The following ANKRD62 variants were observed in gnomAD, a reference collection of about 807,000 sequenced individuals.
ANKRD62 encodes ankyrin repeat domain-containing protein 62.
A neutral mutation model predicts 98.8 loss-of-function variants in ANKRD62; 61 were observed. The observed-to-expected ratio is 0.62, with a 90% CI of 0.50 to 0.76. The LOEUF (loss-of-function observed/expected upper bound fraction) is 0.76, where lower values mean the gene tolerates loss of function less well. Among genes scored for constraint, ANKRD62 ranks in the 30% least tolerant of loss-of-function variants. The pLI is 0.00. For synonymous variants in ANKRD62, 341 were observed against 367.9 expected (o/e 0.93, Z 0.84); for missense variants, 933 against 1,082.9 (o/e 0.86, Z 1.94).
the ANKRD62 span, among the ~76,000 whole-genome samples, chr18:12,175,698 G>A: frequency 6.6e-6 from 1 of 151,832 alleles, no homozygotes; most frequent in Non-Finnish European, 1.5e-5. Flanking sequence ...AAAGTCAAAT[G>A]GTGAGAATAA....
chr18:12,097,739 G>T lies in ANKRD62; in HGVS notation c.714G>T (p.Trp238Cys). 6.5e-7 allele frequency: 1 copy of T among 1,535,970 alleles called. No homozygotes were observed. Among genetic ancestry groups the T allele is most frequent in the Non-Finnish European group, 8.7e-7 (1 of 1,146,732 alleles). Reference sequence around the variant, plus strand: ...TCTTTTGCCAAGATATATCTGGATGGACTGCAGAAGACTACGCTGTTGCTT... The same window carrying T: ...TCTTTTGCCAAGATATATCTGGATGTACTGCAGAAGACTACGCTGTTGCTT... ...IDVFCQDISG[W>C]TAEDYAVASK... The change falls in exon 5 of 14, where the codon TGG becomes TGT. Residue 238 changes from tryptophan (W) to cysteine (C), a missense_variant. This residue lies in a region of ANKRD62 where 549 missense variants were observed against 587.9 expected (regional missense o/e 0.93). Transcript: ENST00000587848.
the ANKRD62 span, among the ~76,000 whole-genome samples, chr18:12,178,584 G>A: frequency 1.3e-5 from 2 of 149,002 alleles, no homozygotes; most frequent in African/African-American, 2.5e-5. Flanking sequence ...ATGCATATAT[G>A]TAAGTAAATA....
At chr18:12,135,698 G>C in the ANKRD62 span, among the ~76,000 whole-genome samples, 2 of 151,912 alleles carry the variant, frequency 1.3e-5, no homozygotes, top group African/African-American at 4.8e-5. Flanking sequence ...ATCCTCTCCA[G>C]CACCTGTTGT....
At chr18:12,097,906 C>T (rs760075561) in intron 5 of ANKRD62, 129 bp downstream of exon 5, 2 of 1,037,002 alleles carry the variant, frequency 1.9e-6, no homozygotes, top group Non-Finnish European at 1.4e-6. Flanking sequence ...AGTTAGTCCA[C>T]TTCATCAGCC....
At chr18:12,105,924 C>T (rs947586158) in intron 7 of ANKRD62, among the ~76,000 whole-genome samples, 1 of 152,092 alleles carries the variant, frequency 6.6e-6, no homozygotes, top group Non-Finnish European at 1.5e-5. Context: ...TAATTTTTCC[C>T]TATTGACTTA....
chr18:12,157,868 T>C, the ANKRD62 span, among the ~76,000 whole-genome samples: 12 of 152,212 alleles, frequency 7.9e-5, no homozygotes, highest in African/African-American at 2.9e-4. Context: ...GTGCTGCCAG[T>C]GGCCAGGGAT....
At chr18:12,096,347 T>C (rs1195297562) in intron 4 of ANKRD62, 45 bp downstream of exon 4, 2 of 1,111,264 alleles carry the variant, frequency 1.8e-6, no homozygotes, top group African/African-American at 1.6e-5. Flanking sequence ...TGAGTGGTGT[T>C]CTAGAGTGGT....
the ANKRD62 span, among the ~76,000 whole-genome samples, chr18:12,152,177 C>CAAAA: frequency 7.3e-5 from 5 of 68,262 alleles, no homozygotes; most frequent in South Asian, 6.8e-4. Context: ...GAAATGCTTC[C>CAAAA]AAAAAAAAAA....
chr18:12,151,918 T>C, the ANKRD62 span, among the ~76,000 whole-genome samples: 1 of 151,618 alleles, frequency 6.6e-6, no homozygotes. Context: ...GTAACATGAG[T>C]AACTACTAAA....
chr18:12,174,767 T>C, the ANKRD62 span, among the ~76,000 whole-genome samples: 1 of 152,228 alleles, frequency 6.6e-6, no homozygotes, highest in South Asian at 2.1e-4. Context: ...ATGGGCCCAA[T>C]GTTCAGCTCC....
chr18:12,122,071 T>C (rs977835039), intron 10 of ANKRD62, among the ~76,000 whole-genome samples: 2 of 152,236 alleles, frequency 1.3e-5, no homozygotes, highest in African/African-American at 2.4e-5. Context: ...TATCCGAATT[T>C]GTAATTGTCA....
intron 8 of ANKRD62, among the ~76,000 whole-genome samples, chr18:12,108,544 A>G (rs1401499432): frequency 3.3e-5 from 5 of 152,186 alleles, no homozygotes; most frequent in African/African-American, 1.2e-4. Context: ...GTGGGGACAC[A>G]GCACCAAACC....
At chr18:12,161,653 C>G in the ANKRD62 span, among the ~76,000 whole-genome samples, 1 of 152,064 alleles carries the variant, frequency 6.6e-6, no homozygotes. Flanking sequence ...TGCCCATTAA[C>G]CAACTCCCAT....
rs1909938234 is a variant in ANKRD62 at position 12,128,436 on chromosome 18, C to T, written c.*497C>T. On this transcript the variant is annotated 3_prime_UTR_variant, in exon 14 of 14. Transcript: ENST00000587848. ...ATAGTCAGAGTCATATGACTATGGA[C>T]AGTTAGCATTTGCCAACATGTATGT... is the stretch of plus-strand genomic sequence containing the variant. 6.6e-6 allele frequency: 1 copy of T among 152,224 alleles called. No homozygotes were observed. The highest frequency in any genetic ancestry group is 1.5e-5 in the Non-Finnish European group (1 of 68,082). The allele number at this position is 152,224 out of a possible 1,614,324, so 9.4% of individuals were successfully genotyped here.
In ANKRD62 at chr18:12,103,338, A is replaced by T. The variant is rs1909347335; in HGVS notation, c.891+110A>T. 8 of 566,608 alleles carry T rather than the reference A, an allele frequency of 1.4e-5. No individual in the cohort carries two copies. In the East Asian group the frequency reaches 2.1e-4, roughly 15 times the overall value. The allele number at this position is 566,608 out of a possible 1,614,324, so 35.1% of individuals were successfully genotyped here. On this transcript the variant is annotated intron_variant, in intron 7 of 13. Coordinates refer to ENST00000587848, the MANE Select transcript of ANKRD62 (RefSeq NM_001277333.2). ...TAGAATCAATTGAATGTAATTTAAT[A>T]GTTAATTTTAATAACATTTTAACTG...
chr18:12,123,670 A>G (rs1289527710), intron 11 of ANKRD62, among the ~76,000 whole-genome samples: 3 of 152,252 alleles, frequency 2.0e-5, no homozygotes, highest in African/African-American at 7.2e-5. Context: ...ACATGTTGCA[A>G]GAAGGCATCT....
At chr18:12,127,052 T>C (rs1287880320) in intron 13 of ANKRD62, among the ~76,000 whole-genome samples, 2 of 152,260 alleles carry the variant, frequency 1.3e-5, no homozygotes, top group African/African-American at 4.8e-5. Context: ...CACTGGCATT[T>C]ATAACTTACT....
At chr18:12,178,077 G>A in the ANKRD62 span, among the ~76,000 whole-genome samples, 2 of 147,910 alleles carry the variant, frequency 1.4e-5, no homozygotes, top group East Asian at 4.0e-4. Flanking sequence ...CATAAGAAGA[G>A]CATAAGAAGC....
intron 8 of ANKRD62, among the ~76,000 whole-genome samples, chr18:12,109,812 T>G (rs1466115844): frequency 6.6e-6 from 1 of 152,206 alleles, no homozygotes; most frequent in Non-Finnish European, 1.5e-5. Context: ...CCAGAGGGTC[T>G]GTGTTGTTGT....
Sources: gnomAD v4.1 joint callset for allele counts (sites outside exome capture counted in the v4.1 genomes callset) on GRCh38, gnomAD v4.1.1 for gene constraint, gnomAD v4.1.1 regional missense constraint, MANE v1.5 for transcripts, NCBI Gene and HGNC (gene_info 2026-07-23, HGNC 2026-07-21) for gene names.